The following SPMIP4 variants were observed in gnomAD, a reference collection of about 807,000 sequenced individuals.
The protein encoded by SPMIP4 is sperm-associated microtubule inner protein 4.
chr7:25,126,021 C>G, the SPMIP4 span: 2 of 912,380 alleles, frequency 2.2e-6, no homozygotes, highest in Non-Finnish European at 2.6e-6. Flanking sequence ...CATTTATGTA[C>G]CTTTTAAAAT....
the SPMIP4 span, among the ~76,000 whole-genome samples, chr7:25,155,406 C>T: frequency 6.6e-6 from 1 of 152,072 alleles, no homozygotes; most frequent in South Asian, 2.1e-4. Context: ...CTTAATTTTG[C>T]TAGACAAAAC....
chr7:25,172,242 G>A, the SPMIP4 span, among the ~76,000 whole-genome samples: 442 of 152,276 alleles, frequency 2.9e-3, 1 homozygote, highest in African/African-American at 0.01. The surrounding 1 kb of genome is among the most constrained non-coding windows in gnomAD (Gnocchi z 4.2). Flanking sequence ...AGGAGCTCAA[G>A]CAAGCTCAGA....
At chr7:25,135,386 T>C in the SPMIP4 span, 1 of 985,546 alleles carries the variant, frequency 1.0e-6, no homozygotes, top group Non-Finnish European at 1.2e-6. Flanking sequence ...TTCATTTTTT[T>C]CGCTGACTTA....
the SPMIP4 span, among the ~76,000 whole-genome samples, chr7:25,177,477 G>A: frequency 3.3e-5 from 5 of 151,922 alleles, no homozygotes; most frequent in Admixed American, 2.0e-4. Context: ...GTGAGACTCC[G>A]TCTAATAAAA....
the SPMIP4 span, among the ~76,000 whole-genome samples, chr7:25,152,549 A>G: frequency 2.6e-5 from 4 of 152,196 alleles, no homozygotes; most frequent in Non-Finnish European, 5.9e-5. Flanking sequence ...TAGTGAATAA[A>G]GAAATTGAAG....
chr7:25,129,656 A>T, the SPMIP4 span, among the ~76,000 whole-genome samples: 3 of 151,914 alleles, frequency 2.0e-5, no homozygotes, highest in Non-Finnish European at 4.4e-5. Flanking sequence ...TAGTTGTTCA[A>T]TTTGTTGTTC....
the SPMIP4 span, chr7:25,142,660 G>C: frequency 6.2e-7 from 1 of 1,612,604 alleles, no homozygotes. Flanking sequence ...ATGAGTGTAC[G>C]AAGTGAGCCA....
the SPMIP4 span, among the ~76,000 whole-genome samples, chr7:25,146,187 A>G: frequency 6.6e-6 from 1 of 152,214 alleles, no homozygotes; most frequent in East Asian, 1.9e-4. Context: ...CAAATGAGAG[A>G]CTGGCAGAGA....
the SPMIP4 span, chr7:25,151,777 G>T: frequency 1.3e-5 from 8 of 632,792 alleles, no homozygotes; most frequent in East Asian, 1.5e-4. Context: ...AGGTAGAGAT[G>T]GATGTTGGTG....
chr7:25,139,210 T>A, the SPMIP4 span, among the ~76,000 whole-genome samples: 3 of 152,328 alleles, frequency 2.0e-5, no homozygotes, highest in East Asian at 5.8e-4. Flanking sequence ...ATAATATACA[T>A]GCTGCATGTT....
the SPMIP4 span, among the ~76,000 whole-genome samples, chr7:25,143,185 C>T: frequency 6.6e-6 from 1 of 152,168 alleles, no homozygotes; most frequent in Non-Finnish European, 1.5e-5. Flanking sequence ...TTCTACTTTT[C>T]CTTCCATGCC....
At chr7:25,154,968 A>G in the SPMIP4 span, 239 of 1,542,106 alleles carry the variant, frequency 1.5e-4, 1 homozygote, top group East Asian at 3.6e-3. Context: ...AGAAATCCCA[A>G]TAATAAGAAT....
chr7:25,155,478 G>T, the SPMIP4 span, among the ~76,000 whole-genome samples: 4 of 152,246 alleles, frequency 2.6e-5, no homozygotes, highest in East Asian at 7.7e-4. Flanking sequence ...TTCATAACTC[G>T]TATAAAAAAT....
At chr7:25,155,046 G>C in the SPMIP4 span, 949,035 of 1,611,230 alleles carry the variant, frequency 0.59, 282,013 homozygotes, top group Non-Finnish European at 0.61. Context: ...ATAAGCCTTG[G>C]TTGGCACCGT....
the SPMIP4 span, among the ~76,000 whole-genome samples, chr7:25,132,449 G>A: frequency 6.6e-5 from 10 of 152,290 alleles, no homozygotes; most frequent in South Asian, 2.1e-3. This position sits in a 1 kb window ranked among gnomAD's most constrained non-coding sequence, Gnocchi z 5.0. Context: ...TCTAGGCTTT[G>A]TAGGTATTCA....
At chr7:25,164,751 A>G in the SPMIP4 span, among the ~76,000 whole-genome samples, 1 of 152,174 alleles carries the variant, frequency 6.6e-6, no homozygotes, top group African/African-American at 2.4e-5. Context: ...ACTGTACCCA[A>G]TGTGTAGTCT....
At chr7:25,141,998 A>G in the SPMIP4 span, among the ~76,000 whole-genome samples, 5 of 152,210 alleles carry the variant, frequency 3.3e-5, no homozygotes, top group Non-Finnish European at 7.4e-5. Context: ...GGCCTCCCAG[A>G]GTGCTGGGAT....
the SPMIP4 span, among the ~76,000 whole-genome samples, chr7:25,127,028 G>A: frequency 6.6e-6 from 1 of 152,186 alleles, no homozygotes; most frequent in Non-Finnish European, 1.5e-5. Flanking sequence ...GGCCTGTAAA[G>A]TTCCACTGAT....
At chr7:25,150,858 A>G in the SPMIP4 span, among the ~76,000 whole-genome samples, 91,107 of 152,104 alleles carry the variant, frequency 0.6, 28,486 homozygotes, top group Non-Finnish European at 0.69. Flanking sequence ...GAGTGGTTAG[A>G]TGTGTAGCAA....
Sources: gnomAD v4.1 joint callset for allele counts (sites outside exome capture counted in the v4.1 genomes callset) on GRCh38, gnomAD v4.1.1 for gene constraint, Gnocchi (gnomAD v3.1) non-coding constraint, MANE v1.5 for transcripts, NCBI Gene and HGNC (gene_info 2026-07-23, HGNC 2026-07-21) for gene names.